Variants in DISC1 observed in about 807,000 individuals in gnomAD.
DISC1 encodes DISC1 scaffold protein.
Under a neutral mutation model 84.5 loss-of-function variants are expected in DISC1, and 57 were observed. That is an observed-to-expected ratio of 0.67 (90% CI 0.55 to 0.84). DISC1 has a LOEUF of 0.84. Ranked by LOEUF, DISC1 falls within the 40% of genes least tolerant of loss-of-function variation. The probability of loss-of-function intolerance (pLI) is 0.00; values close to 1 mark genes in which losing one functional copy is unlikely to be tolerated. For missense variants in DISC1, 1,000 were observed against 1,057.8 expected (o/e 0.95, Z 0.76); for synonymous variants, 411 against 415.2 (o/e 0.99, Z 0.12).
At chr1:231,941,969 G>A (rs895903194) in intron 9 of DISC1, among the ~76,000 whole-genome samples, 2 of 151,716 alleles carry the variant, frequency 1.3e-5, no homozygotes, top group African/African-American at 4.8e-5. Context: ...TGCCCCCACA[G>A]GGAGGGAGCA....
intron 11 of DISC1, among the ~76,000 whole-genome samples, chr1:232,017,093 G>GT (rs1447024524): frequency 2.6e-5 from 4 of 152,088 alleles, no homozygotes; most frequent in Non-Finnish European, 5.9e-5. Flanking sequence ...TATTCTTTTT[G>GT]TAGATAATAT....
intron 9 of DISC1, among the ~76,000 whole-genome samples, chr1:231,950,072 G>A (rs942794406): frequency 6.6e-6 from 1 of 152,144 alleles, no homozygotes; most frequent in African/African-American, 2.4e-5. Flanking sequence ...ACTTTTCCTA[G>A]CTTAAGAAGA....
chr1:231,990,389 C>T (rs1241302114), intron 10 of DISC1, among the ~76,000 whole-genome samples: 1 of 151,998 alleles, frequency 6.6e-6, no homozygotes, highest in East Asian at 1.9e-4. Context: ...TCATCCCCCA[C>T]CCCACCCAGG....
chr1:231,813,850 C>G (rs2080595354), intron 8 of DISC1, among the ~76,000 whole-genome samples: 1 of 152,118 alleles, frequency 6.6e-6, no homozygotes, highest in Admixed American at 6.6e-5. Flanking sequence ...CTGACCTCTC[C>G]TAGTATTTGT....
chr1:231,907,920 G>T (rs1218998103), intron 9 of DISC1, among the ~76,000 whole-genome samples: 1 of 152,132 alleles, frequency 6.6e-6, no homozygotes, highest in Non-Finnish European at 1.5e-5. Context: ...TTTCTCTGAT[G>T]GTCAGTGATG....
intron 3 of DISC1, among the ~76,000 whole-genome samples, chr1:231,737,027 C>T (rs1170077186): frequency 6.6e-6 from 1 of 152,154 alleles, no homozygotes; most frequent in African/African-American, 2.4e-5. Context: ...CTCATTGTCA[C>T]CCAAGTAAGA....
chr1:231,720,747 TA>T, intron 3 of DISC1: 1 of 938,168 alleles, frequency 1.1e-6, no homozygotes, highest in Non-Finnish European at 1.5e-6. Context: ...GCATGAGGGC[TA>T]AAATGTGAAG....
chr1:231,709,899 C>T (rs199582555), intron 3 of DISC1, among the ~76,000 whole-genome samples: 21 of 152,138 alleles, frequency 1.4e-4, no homozygotes, highest in Non-Finnish European at 2.6e-4. Flanking sequence ...GTCTCTCTTG[C>T]GCTTAGAAGA....
chr1:231,792,316 C>G (rs746609130), intron 6 of DISC1, among the ~76,000 whole-genome samples: 52 of 152,198 alleles, frequency 3.4e-4, no homozygotes, highest in Non-Finnish European at 3.8e-4. Flanking sequence ...TCAGCCCAGA[C>G]AAGTGAACTG....
At chr1:231,879,004 A>G (rs115594843) in intron 9 of DISC1, among the ~76,000 whole-genome samples, 48 of 152,260 alleles carry the variant, frequency 3.2e-4, no homozygotes, top group Admixed American at 7.2e-4. Context: ...GCTGTTGTGG[A>G]CATTTGGGTA....
chr1:232,019,434 A>G lies in DISC1; in HGVS notation c.2308-7001A>G, dbSNP rs547617332. On this transcript the variant is annotated intron_variant, in intron 11 of 12. Transcript: ENST00000439617. ...GGAGAGTCTTCAAAGACACTTTGAA[A>G]TGCCGAGCAACCTGTACTTTAAATG... Among the ~76,000 whole-genome samples, 8 of 152,362 alleles carry G rather than the reference A, an allele frequency of 5.3e-5. No individual in the cohort carries two copies. The South Asian group carries it at 1.7e-3, about 32-fold the overall frequency.
intron 3 of DISC1, among the ~76,000 whole-genome samples, chr1:231,711,055 A>G (rs1028942861): frequency 1.3e-5 from 2 of 152,100 alleles, no homozygotes; most frequent in Non-Finnish European, 2.9e-5. Flanking sequence ...TTTTTGACAC[A>G]AGTAAGTTGA....
chr1:231,948,373 C>T (rs570619933), intron 9 of DISC1, among the ~76,000 whole-genome samples: 1 of 152,222 alleles, frequency 6.6e-6, no homozygotes, highest in Non-Finnish European at 1.5e-5. Context: ...CCAAACACCA[C>T]ATGTTCTCAC....
chr1:231,831,857 G>T (rs898366969), intron 9 of DISC1, among the ~76,000 whole-genome samples: 3 of 149,100 alleles, frequency 2.0e-5, no homozygotes, highest in Non-Finnish European at 4.5e-5. Context: ...AGTGGGGGGG[G>T]GTGGGCAGAG....
intron 8 of DISC1, among the ~76,000 whole-genome samples, chr1:231,811,916 C>T (rs1022533817): frequency 6.6e-6 from 1 of 152,142 alleles, no homozygotes; most frequent in Admixed American, 6.5e-5. Context: ...AAGAGACTCC[C>T]CTTCCTGGAT....
intron 5 of DISC1, among the ~76,000 whole-genome samples, chr1:231,768,164 G>A (rs1051921216): frequency 1.3e-5 from 2 of 152,144 alleles, no homozygotes; most frequent in African/African-American, 2.4e-5. Flanking sequence ...TTGAAACAGG[G>A]TCCATGCCTG....
At chr1:231,759,543 A>C (rs948339455) in intron 4 of DISC1, among the ~76,000 whole-genome samples, 1 of 149,898 alleles carries the variant, frequency 6.7e-6, no homozygotes, top group Non-Finnish European at 1.5e-5. Flanking sequence ...AAAAAAAAAA[A>C]AAAAAAAACA....
At chr1:231,789,026 T>C (rs555598415) in intron 6 of DISC1, among the ~76,000 whole-genome samples, 1 of 152,358 alleles carries the variant, frequency 6.6e-6, no homozygotes, top group South Asian at 2.1e-4. Context: ...GAAATTCTTT[T>C]TCTAGTAGTA....
At chr1:231,953,819 G>T (rs1297529522) in intron 9 of DISC1, among the ~76,000 whole-genome samples, 2 of 152,164 alleles carry the variant, frequency 1.3e-5, no homozygotes, top group African/African-American at 4.8e-5. Flanking sequence ...TCAAAGGTGA[G>T]ATCGTATCGT....
Sources: gnomAD v4.1 joint callset for allele counts (sites outside exome capture counted in the v4.1 genomes callset) on GRCh38, gnomAD v4.1.1 for gene constraint, MANE v1.5 for transcripts, NCBI Gene and HGNC (gene_info 2026-07-23, HGNC 2026-07-21) for gene names.